The following PTBP2 variants were observed in gnomAD, a reference collection of about 807,000 sequenced individuals.
PTBP2 encodes polypyrimidine tract-binding protein 2.
A neutral mutation model predicts 61.4 loss-of-function variants in PTBP2; 13 were observed. The ratio of observed to expected loss-of-function variants is 0.21; its 90% CI spans 0.14 to 0.34. The LOEUF (loss-of-function observed/expected upper bound fraction) is 0.34, where lower values mean the gene tolerates loss of function less well. PTBP2 is among the 10% of genes least tolerant of loss of function. The pLI is 1.00. For synonymous variants in PTBP2, 215 were observed against 218.5 expected, an observed-to-expected ratio of 0.98 and a Z score of 0.14; for missense variants, 405 against 642.6, an observed-to-expected ratio of 0.63 and a Z score of 4.00.
intron 3 of PTBP2, among the ~76,000 whole-genome samples, chr1:96,762,303 C>T (rs868536772): frequency 8.6e-4 from 126 of 147,278 alleles, no homozygotes; most frequent in African/African-American, 2.6e-3. Flanking sequence ...CCAGTAGGGG[C>T]GGCCGGGCAG....
In PTBP2 at chr1:96,813,844, T is replaced by G. The variant is rs1662309960; in HGVS notation, c.*439T>G. ...AAAAAGGTTAAGTTTTTGTTTCTCC[T>G]GCTTGGAACTTATTTTGAATTACTG... On this transcript the variant is annotated 3_prime_UTR_variant, in exon 14 of 14. Coordinates refer to ENST00000674951, the MANE Select transcript of PTBP2 (RefSeq NM_021190.4). 2 of 152,886 alleles carry G rather than the reference T, an allele frequency of 1.3e-5. No homozygotes were observed. The highest frequency in any genetic ancestry group is 1.3e-4 in the Admixed American group (2 of 15,276). The allele number at this position is 152,886 out of a possible 1,614,324, so 9.5% of individuals were successfully genotyped here. A position where few individuals can be genotyped will look rare whatever the true frequency, so the allele number is the denominator to read the frequency against.
rs148700125 is a variant in PTBP2 at position 96,765,578 on chromosome 1, G to A, written c.116-4125G>A. Among the ~76,000 whole-genome samples the A allele has an allele frequency of 6.0e-3, 917 of 152,174 alleles. 7 individuals are homozygous for A. Among genetic ancestry groups the A allele is most frequent in the African/African-American group, 0.02 (833 of 41,512 alleles). ...ATAGAAAAATTAGCTGGGTGTGGTG[G>A]TGCACACCTGAATTCCCAGCTACAT... On this transcript the variant is annotated intron_variant, in intron 3 of 13. Transcript: ENST00000674951.
chr1:96,808,915 A>G lies in PTBP2; in HGVS notation c.1171+1957A>G, dbSNP rs1270523981. On this transcript the variant is annotated intron_variant, in intron 11 of 13. Coordinates refer to ENST00000674951, the MANE Select transcript of PTBP2 (RefSeq NM_021190.4). ...AAACTTGGTATTTAAAAAGTTAGCT[A>G]TATACTTTTTACAAGAGACATGTAA... 2.6e-5 allele frequency among the ~76,000 whole-genome samples: 4 copies of G among 152,194 alleles called. No homozygotes were observed. The East Asian group carries it at 5.8e-4, about 22-fold the overall frequency.
chr1:96,808,961 T>G (rs925159231), intron 11 of PTBP2, among the ~76,000 whole-genome samples: 17 of 152,044 alleles, frequency 1.1e-4, no homozygotes, highest in African/African-American at 4.1e-4. Flanking sequence ...TATGAAAGAT[T>G]GAAAGGAAAA....
At chr1:96,761,503 T>A (rs1425278983) in intron 3 of PTBP2, among the ~76,000 whole-genome samples, 1 of 151,896 alleles carries the variant, frequency 6.6e-6, no homozygotes, top group Non-Finnish European at 1.5e-5. Context: ...TTACGGTAGT[T>A]CATTCCAAAG....
intron 2 of PTBP2, among the ~76,000 whole-genome samples, chr1:96,733,743 C>T (rs1440249254): frequency 6.6e-6 from 1 of 152,150 alleles, no homozygotes; most frequent in Non-Finnish European, 1.5e-5. Flanking sequence ...TTTTGAATTA[C>T]ACAGGTCCAC....
intron 7 of PTBP2, among the ~76,000 whole-genome samples, chr1:96,783,919 T>A (rs995224991): frequency 6.6e-6 from 1 of 152,110 alleles, no homozygotes; most frequent in African/African-American, 2.4e-5. Context: ...TTACCAGTGC[T>A]GTATTGAAGT....
intron 8 of PTBP2, among the ~76,000 whole-genome samples, chr1:96,786,512 T>C (rs1659219870): frequency 6.6e-6 from 1 of 152,180 alleles, no homozygotes; most frequent in African/African-American, 2.4e-5. Flanking sequence ...GTGCAGTTTT[T>C]AAAGGCAAAG....
chr1:96,791,827 T>TTTTTTTTGGTTTTTTTTTG (rs1553184731), intron 8 of PTBP2, among the ~76,000 whole-genome samples: 7 of 81,954 alleles, frequency 8.5e-5, no homozygotes, highest in African/African-American at 3.9e-4. Flanking sequence ...GGAGTTGTGC[T>TTTTTTTTGGTTTTTTTTTG]TTTTTTTTTT....
intron 5 of PTBP2, among the ~76,000 whole-genome samples, chr1:96,777,160 T>C (rs1658129642): frequency 6.6e-6 from 1 of 152,156 alleles, no homozygotes; most frequent in Non-Finnish European, 1.5e-5. Flanking sequence ...ATAAGCTTTA[T>C]GGGAGTTCTT....
chr1:96,777,904 G>C lies in PTBP2; in HGVS notation c.666G>C (p.Leu222Phe). The C allele has an allele frequency of 6.3e-7, 1 of 1,592,800 alleles. No individual in the cohort carries two copies. Among genetic ancestry groups the C allele is most frequent in the Non-Finnish European group, 8.6e-7 (1 of 1,168,696 alleles). ...CAAAAAATAACCAGTTTCAAGCTTT[G>C]CTCCAGTATGGTGATCCAGTAAATG... is the stretch of plus-strand genomic sequence containing the variant. Reference protein sequence around the residue: ...TFTKNNQFQALLQYGDPVNAQ... With the variant: ...TFTKNNQFQAFLQYGDPVNAQ... The change falls in exon 7 of 14, where the codon TTG becomes TTC. Residue 222 changes from leucine (L) to phenylalanine (F), a missense_variant. This residue lies in a region of PTBP2 where 342 missense variants were observed against 491.2 expected (regional missense o/e 0.70). Coordinates refer to ENST00000674951, the MANE Select transcript of PTBP2 (RefSeq NM_021190.4).
chr1:96,795,763 G>C (rs1660318885), intron 8 of PTBP2, among the ~76,000 whole-genome samples: 1 of 152,160 alleles, frequency 6.6e-6, no homozygotes, highest in Non-Finnish European at 1.5e-5. Flanking sequence ...AAAGGAAGAA[G>C]AAATAGGATG....
At chr1:96,723,465 G>C (rs1000657911) in intron 1 of PTBP2, 99 bp from the exon 2 acceptor site, 1 of 974,688 alleles carries the variant, frequency 1.0e-6, no homozygotes, top group Non-Finnish European at 1.5e-6. Context: ...GTGGCTGGAA[G>C]ATTTATGAAT....
At chr1:96,738,625 T>A (rs1469056990) in intron 2 of PTBP2, among the ~76,000 whole-genome samples, 2 of 152,192 alleles carry the variant, frequency 1.3e-5, no homozygotes, top group Non-Finnish European at 2.9e-5. Flanking sequence ...TTTCCTAGTT[T>A]GTAATATTGA....
rs751209877 is a variant in PTBP2, at chr1:96,785,048, C to T, written c.709-11C>T. ...TTTAAGATTGCTGATATGCTTTATT[C>T]ACTTTTACAGGCCCTAGATGGTCAG... is the stretch of plus-strand genomic sequence containing the variant. On this transcript the variant is annotated splice_polypyrimidine_tract_variant and intron_variant, in intron 7 of 13. Transcript: ENST00000674951. 2 of 1,515,562 alleles carry T rather than the reference C, an allele frequency of 1.3e-6. No homozygotes were observed. The highest frequency in any genetic ancestry group is 1.8e-6 in the Non-Finnish European group (2 of 1,131,012). The allele number at this position is 1,515,562 out of a possible 1,614,324, so 93.9% of individuals were successfully genotyped here.
At chr1:96,806,304 C>A in intron 9 of PTBP2, 115 bp from the exon 10 acceptor site, 1 of 858,988 alleles carries the variant, frequency 1.2e-6, no homozygotes, top group Non-Finnish European at 2.0e-6. Context: ...GATCCATGAC[C>A]ACCTCACCAT....
chr1:96,785,038 A>G (rs1557751499), intron 7 of PTBP2, 21 bp from the exon 8 acceptor site: 1 of 1,473,816 alleles, frequency 6.8e-7, no homozygotes, highest in South Asian at 1.4e-5. Flanking sequence ...GATTGCTGAT[A>G]TGCTTTATTC....
chr1:96,773,832 G>T (rs1657679610), intron 5 of PTBP2, among the ~76,000 whole-genome samples: 1 of 151,716 alleles, frequency 6.6e-6, no homozygotes, highest in African/African-American at 2.4e-5. Flanking sequence ...GCGTGGTGGC[G>T]GGCGCCTGTA....
intron 11 of PTBP2, among the ~76,000 whole-genome samples, chr1:96,808,426 G>A (rs1344661040): frequency 2.0e-5 from 3 of 152,024 alleles, no homozygotes; most frequent in Non-Finnish European, 2.9e-5. Flanking sequence ...GTGCAAGCAC[G>A]TTAAGAGTCT....
Sources: gnomAD v4.1 joint callset for allele counts (sites outside exome capture counted in the v4.1 genomes callset) on GRCh38, gnomAD v4.1.1 for gene constraint, gnomAD v4.1.1 regional missense constraint, MANE v1.5 for transcripts, NCBI Gene and HGNC (gene_info 2026-07-23, HGNC 2026-07-21) for gene names.